TP53BP1: variants seen among roughly 807,000 people sequenced by gnomAD.
TP53BP1 encodes TP53-binding protein 1.
Under a neutral mutation model 200.8 loss-of-function variants are expected in TP53BP1, and 61 were observed. The ratio of observed to expected loss-of-function variants is 0.30; its 90% CI spans 0.25 to 0.38. The LOEUF (loss-of-function observed/expected upper bound fraction) is 0.38. TP53BP1 is among the 10% of genes least tolerant of loss of function. TP53BP1 has a pLI of 1.00. For missense variants in TP53BP1, 2,144 were observed against 2,371.9 expected (o/e 0.90, Z 2.00); for synonymous variants, 822 against 844.3 (o/e 0.97, Z 0.46).
chr15:43,509,634 C>A (rs972458354), intron 1 of TP53BP1, among the ~76,000 whole-genome samples: 4 of 152,294 alleles, frequency 2.6e-5, no homozygotes, highest in African/African-American at 7.2e-5. Context: ...GTCTTGAACT[C>A]CTGACCTCAA....
chr15:43,508,223 G>A (rs2079248875), intron 1 of TP53BP1, among the ~76,000 whole-genome samples: 1 of 152,154 alleles, frequency 6.6e-6, no homozygotes, highest in Non-Finnish European at 1.5e-5. Context: ...AGCTGGGCAT[G>A]GTGGCGCACG....
chr15:43,453,320 T>C (rs1285875388), intron 12 of TP53BP1, among the ~76,000 whole-genome samples: 1 of 151,844 alleles, frequency 6.6e-6, no homozygotes, highest in East Asian at 1.9e-4. Context: ...AAAAATACTC[T>C]ACTACAGAAT....
intron 1 of TP53BP1, among the ~76,000 whole-genome samples, chr15:43,507,638 T>A (rs1356270577): frequency 6.6e-6 from 1 of 152,210 alleles, no homozygotes; most frequent in African/African-American, 2.4e-5. Context: ...TTTCTAAGTC[T>A]TATACATATG....
At chr15:43,415,556 T>C (rs2045245359) in intron 23 of TP53BP1, 38 bp downstream of exon 23, 4 of 1,601,150 alleles carry the variant, frequency 2.5e-6, no homozygotes, top group Non-Finnish European at 3.4e-6. Context: ...CATTCTGCCA[T>C]GGTCTGAAGG....
At chr15:43,445,282 C>T (rs748445835) in intron 14 of TP53BP1, among the ~76,000 whole-genome samples, 22 of 152,120 alleles carry the variant, frequency 1.4e-4, no homozygotes, top group South Asian at 8.3e-4. Flanking sequence ...CTAATTGCCT[C>T]GCCGAAGTCA....
intron 18 of TP53BP1, 74 bp downstream of exon 18, chr15:43,427,942 G>A (rs1384252460): frequency 1.7e-5 from 19 of 1,113,282 alleles, no homozygotes; most frequent in Non-Finnish European, 2.3e-5. Flanking sequence ...AGGTAACAAA[G>A]TAAGACCCTG....
At position 43,415,858 on chromosome 15, in the gene TP53BP1, C is replaced by T. The variant is rs753325618; in HGVS notation, c.4874-49G>A. 9 of 1,503,542 alleles carry T rather than the reference C, an allele frequency of 6.0e-6. No homozygotes were observed. The East Asian group carries it at 1.8e-4, about 30-fold the overall frequency. The allele number at this position is 1,503,542 out of a possible 1,614,324, so 93.1% of individuals were successfully genotyped here. A position where few individuals can be genotyped will look rare whatever the true frequency, so the allele number is the denominator to read the frequency against. ...GTTGGTCAAACTCTATGGTATGAGG[C>T]CCTGAACTCCAAGAAACTGGGCAGA... On this transcript the variant is annotated intron_variant, in intron 22 of 27. Coordinates refer to ENST00000382044, the MANE Select transcript of TP53BP1 (RefSeq NM_001141980.3).
At chr15:43,509,283 C>T (rs1410240335) in intron 1 of TP53BP1, among the ~76,000 whole-genome samples, 1 of 148,086 alleles carries the variant, frequency 6.8e-6, no homozygotes, top group African/African-American at 2.5e-5. Context: ...TGACATTCTG[C>T]CAGTACTCTT....
intron 10 of TP53BP1, among the ~76,000 whole-genome samples, chr15:43,470,617 A>G (rs1320037237): frequency 6.6e-6 from 1 of 152,220 alleles, no homozygotes; most frequent in African/African-American, 2.4e-5. Context: ...CTGATTTATC[A>G]AAGAACTAAG....
intron 11 of TP53BP1, 66 bp from the exon 12 acceptor site, chr15:43,457,284 C>T: frequency 7.5e-7 from 1 of 1,326,060 alleles, no homozygotes; most frequent in Non-Finnish European, 1.0e-6. Flanking sequence ...ATATCGAATC[C>T]TTGGATTCAT....
upstream of TP53BP1, among the ~76,000 whole-genome samples, chr15:43,493,978 A>G (rs1364920648): frequency 2.6e-5 from 4 of 152,058 alleles, no homozygotes. Flanking sequence ...AAACCCAGAG[A>G]TTCTATTATC....
intron 10 of TP53BP1, among the ~76,000 whole-genome samples, chr15:43,474,230 C>G (rs2046797868): frequency 6.6e-6 from 1 of 152,186 alleles, no homozygotes; most frequent in South Asian, 2.1e-4. Context: ...GCAAGCGCCG[C>G]GCACAGCCCC....
At chr15:43,476,768 G>A (rs1256557958) in intron 8 of TP53BP1, among the ~76,000 whole-genome samples, 2 of 152,162 alleles carry the variant, frequency 1.3e-5, no homozygotes, top group African/African-American at 2.4e-5. Context: ...TGTTTTGCTG[G>A]TAATTAACTC....
At chr15:43,492,227 G>T in intron 2 of TP53BP1, 57 bp downstream of exon 2, 1 of 1,532,454 alleles carries the variant, frequency 6.5e-7, no homozygotes, top group Non-Finnish European at 8.8e-7. Context: ...ATGTTTGCTG[G>T]TTTTCGGTTT....
chr15:43,444,258 T>C (rs2045992285), intron 14 of TP53BP1, among the ~76,000 whole-genome samples: 1 of 152,120 alleles, frequency 6.6e-6, no homozygotes, highest in Non-Finnish European at 1.5e-5. Flanking sequence ...ATACTCTCTC[T>C]CTTGACAAAC....
intron 11 of TP53BP1, among the ~76,000 whole-genome samples, chr15:43,462,499 A>T (rs2140067212): frequency 6.6e-6 from 1 of 151,852 alleles, no homozygotes; most frequent in East Asian, 1.9e-4. Context: ...TTTGGTGGGT[A>T]GAGACGGGGG....
intron 19 of TP53BP1, 63 bp downstream of exon 19, chr15:43,421,792 T>C (rs1048586125): frequency 6.3e-7 from 1 of 1,580,656 alleles, no homozygotes. Flanking sequence ...TTTCCTGTGA[T>C]ATTAAAATGT....
intron 12 of TP53BP1, among the ~76,000 whole-genome samples, chr15:43,451,951 A>G (rs527639420): frequency 3.3e-5 from 5 of 152,284 alleles, no homozygotes; most frequent in Non-Finnish European, 5.9e-5. Flanking sequence ...CCTGGCCAAC[A>G]TGGCAAAACC....
intron 11 of TP53BP1, among the ~76,000 whole-genome samples, chr15:43,467,060 C>CTTT (rs71307480): frequency 6.9e-6 from 1 of 145,940 alleles, no homozygotes. Context: ...TAAAGGTATT[C>CTTT]TTTTTTTTTT....
Sources: gnomAD v4.1 joint callset for allele counts (sites outside exome capture counted in the v4.1 genomes callset) on GRCh38, gnomAD v4.1.1 for gene constraint, MANE v1.5 for transcripts, NCBI Gene and HGNC (gene_info 2026-07-23, HGNC 2026-07-21) for gene names.